Variants in DSCAM observed in about 807,000 individuals in gnomAD.
DSCAM encodes DS cell adhesion molecule, also known as cell adhesion molecule DSCAM.
A neutral mutation model predicts 217.7 loss-of-function variants in DSCAM; 47 were observed. That is an observed-to-expected ratio of 0.22 (90% CI 0.17 to 0.28). The LOEUF (loss-of-function observed/expected upper bound fraction) is 0.28. Ranked by LOEUF, DSCAM falls within the 10% of genes least tolerant of loss-of-function variation. DSCAM has a pLI of 1.00. For missense variants in DSCAM, 2,080 were observed against 2,618.3 expected (o/e 0.79, Z 4.49); for synonymous variants, 1,056 against 1,015.3 (o/e 1.04, Z -0.76).
At chr21:40,147,027 T>G (rs2090365391) in intron 16 of DSCAM, among the ~76,000 whole-genome samples, 1 of 152,216 alleles carries the variant, frequency 6.6e-6, no homozygotes. Context: ...TTTTACCTAG[T>G]GTTTTAATGT....
At chr21:40,612,560 A>G (rs754696807) in intron 3 of DSCAM, among the ~76,000 whole-genome samples, 3 of 152,214 alleles carry the variant, frequency 2.0e-5, no homozygotes, top group Non-Finnish European at 2.9e-5. Flanking sequence ...TACCCAGCAG[A>G]GGTCCTAGGC....
intron 19 of DSCAM, among the ~76,000 whole-genome samples, chr21:40,127,920 TG>T (rs1386554778): frequency 1.3e-5 from 2 of 152,086 alleles, no homozygotes; most frequent in African/African-American, 4.8e-5. Context: ...GCCCTTGGGA[TG>T]CCATGATCCA....
intron 3 of DSCAM, among the ~76,000 whole-genome samples, chr21:40,614,229 A>G (rs1199895875): frequency 6.6e-6 from 1 of 152,128 alleles, no homozygotes; most frequent in Non-Finnish European, 1.5e-5. Flanking sequence ...GCTGTAGACC[A>G]CCCTAAGGGT....
intron 16 of DSCAM, among the ~76,000 whole-genome samples, chr21:40,151,261 C>T (rs2090420523): frequency 6.6e-6 from 1 of 151,940 alleles, no homozygotes; most frequent in Admixed American, 6.6e-5. Context: ...CAAAGAATAC[C>T]CCCACTACTC....
At chr21:40,660,318 G>A (rs536405509) in intron 3 of DSCAM, among the ~76,000 whole-genome samples, 41 of 152,264 alleles carry the variant, frequency 2.7e-4, no homozygotes, top group African/African-American at 9.4e-4. Context: ...AGAAATCAAA[G>A]GAGGAGGGAG....
intron 14 of DSCAM, among the ~76,000 whole-genome samples, chr21:40,181,452 G>A (rs977090366): frequency 6.6e-6 from 1 of 152,108 alleles, no homozygotes; most frequent in Non-Finnish European, 1.5e-5. Context: ...AGTTTGGACA[G>A]ACTGCTTCAT....
intron 3 of DSCAM, among the ~76,000 whole-genome samples, chr21:40,399,914 T>A (rs2075218492): frequency 6.6e-6 from 1 of 152,234 alleles, no homozygotes; most frequent in Non-Finnish European, 1.5e-5. Context: ...TTGCTGCTTT[T>A]TTCTCCTGTC....
At chr21:40,101,377 G>T (rs1458660816) in intron 20 of DSCAM, among the ~76,000 whole-genome samples, 1 of 152,134 alleles carries the variant, frequency 6.6e-6, no homozygotes, top group Non-Finnish European at 1.5e-5. Flanking sequence ...ATAACATGGT[G>T]GCATGAGAAG....
intron 3 of DSCAM, among the ~76,000 whole-genome samples, chr21:40,676,556 T>C (rs558779268): frequency 4.1e-4 from 63 of 152,272 alleles, no homozygotes; most frequent in South Asian, 1.2e-3. Flanking sequence ...TGTTTTTTTG[T>C]TTTGTTTTGT....
chr21:40,723,235 G>C (rs758114561), intron 1 of DSCAM, among the ~76,000 whole-genome samples: 1 of 152,052 alleles, frequency 6.6e-6, no homozygotes, highest in Non-Finnish European at 1.5e-5. Flanking sequence ...TCATACACTA[G>C]GGTCTGGCCA....
chr21:40,551,000 A>G (rs1393468289), intron 3 of DSCAM, among the ~76,000 whole-genome samples: 1 of 152,214 alleles, frequency 6.6e-6, no homozygotes, highest in East Asian at 1.9e-4. Context: ...GTCCAGTTAG[A>G]TGACAGTTCA....
intron 3 of DSCAM, among the ~76,000 whole-genome samples, chr21:40,554,555 T>C (rs1161253914): frequency 1.3e-5 from 2 of 152,144 alleles, no homozygotes; most frequent in African/African-American, 4.8e-5. Context: ...GTACTGAATA[T>C]AGTACTGAGT....
At chr21:40,049,641 G>A (rs960513960) in intron 30 of DSCAM, among the ~76,000 whole-genome samples, 7 of 152,256 alleles carry the variant, frequency 4.6e-5, no homozygotes, top group African/African-American at 7.2e-5. Context: ...AGCCATATAC[G>A]TAAAGTGAAA....
At chr21:40,481,109 T>A (rs2075978274) in intron 3 of DSCAM, among the ~76,000 whole-genome samples, 1 of 152,154 alleles carries the variant, frequency 6.6e-6, no homozygotes, top group Non-Finnish European at 1.5e-5. Flanking sequence ...GGGCATACAC[T>A]TTTTAAAACC....
At chr21:40,355,157 G>C (rs1043663961) in intron 4 of DSCAM, among the ~76,000 whole-genome samples, 2 of 152,092 alleles carry the variant, frequency 1.3e-5, no homozygotes, top group Non-Finnish European at 1.5e-5. Context: ...TGTAGTTAAA[G>C]AAAGAAAAAG....
intron 1 of DSCAM, among the ~76,000 whole-genome samples, chr21:40,813,645 G>GT (rs869088003): frequency 0.049 from 6,255 of 126,422 alleles, 370 homozygotes; most frequent in African/African-American, 0.14. Flanking sequence ...TTTCTTTCTT[G>GT]TTTTTTTTTT....
At chr21:40,067,741 ATTCCCTCCCTCCCTCCCTCCCTCC>A (rs2089231403) in intron 27 of DSCAM, among the ~76,000 whole-genome samples, 1 of 13,304 alleles carries the variant, frequency 7.5e-5, no homozygotes, top group African/African-American at 4.6e-4. Context: ...CCCTCCCCTC[ATTCCCTCCCTCCCTCCCTCCCTCC>A]CTCCCTCCCT....
At chr21:40,414,327 T>C (rs1288887472) in intron 3 of DSCAM, among the ~76,000 whole-genome samples, 1 of 152,158 alleles carries the variant, frequency 6.6e-6, no homozygotes, top group Non-Finnish European at 1.5e-5. Context: ...TGCAAAATAT[T>C]TGAACAGATA....
At chr21:40,038,021 A>C (rs1444383033) in intron 32 of DSCAM, among the ~76,000 whole-genome samples, 4 of 148,756 alleles carry the variant, frequency 2.7e-5, no homozygotes, top group Admixed American at 6.7e-5. Context: ...TCAATTCAAG[A>C]TGGATTAAAG....
Sources: gnomAD v4.1 joint callset for allele counts (sites outside exome capture counted in the v4.1 genomes callset) on GRCh38, gnomAD v4.1.1 for gene constraint, MANE v1.5 for transcripts, NCBI Gene and HGNC (gene_info 2026-07-23, HGNC 2026-07-21) for gene names.